Variants in NAP1L5 observed in about 807,000 individuals in gnomAD.
The protein encoded by NAP1L5 is nucleosome assembly protein 1-like 5.
For synonymous variants in NAP1L5, 125 were observed against 103.6 expected (o/e 1.21, Z -1.25); for missense variants, 249 against 246.4 (o/e 1.01, Z -0.07).
Position 88,697,132 on chromosome 4 carries a change from C to A in NAP1L5, c.*74G>T. ...GTCAAAAACCTGAGCCTTTTTAAGT[C>A]CATCGATATTCTGGGAAAAACAAAA... On this transcript the variant is annotated 3_prime_UTR_variant, in exon 1 of 1. Transcript: ENST00000323061. The A allele has an allele frequency of 7.2e-7, 1 of 1,392,514 alleles. No individual in the cohort carries two copies. The highest frequency in any genetic ancestry group is 1.9e-4 in the Middle Eastern group (1 of 5,302). 86.3% of individuals were successfully genotyped at this position (1,392,514 alleles called of 1,614,324 possible).
chr4:88,697,349 C>G lies in NAP1L5; in HGVS notation c.406G>C (p.Gly136Arg), dbSNP rs374142688. 3 of 1,613,906 alleles carry G rather than the reference C, an allele frequency of 1.9e-6. No homozygotes were observed. Among genetic ancestry groups the G allele is most frequent in the Non-Finnish European group, 2.5e-6 (3 of 1,180,012 alleles). ...TACTCCTCTTCCTCCTCCTCCTCCC[C>G]CTCCAAGGTCCATGCACACCCCTCC... ...EMEGCAWTLE[G>R]EEEEEEEYED... Residue 136 changes from glycine to arginine, a missense_variant, in exon 1 of 1, where the codon GGG becomes CGG. Gly to Arg is a moderately radical substitution (Grantham distance 125). Transcript: ENST00000323061.
In NAP1L5 at chr4:88,696,887, G is replaced by C. The variant is rs973893306; in HGVS notation, c.*319C>G. On this transcript the variant is annotated 3_prime_UTR_variant, in exon 1 of 1. Transcript: ENST00000323061. ...TGTGATGAATGGGTTTCAAAGTGAC[G>C]TTCTTTACTTCGCATCTGCTAACAC... 1 of 278,904 alleles carries C rather than the reference G, an allele frequency of 3.6e-6. No individual in the cohort carries two copies. Among genetic ancestry groups the C allele is most frequent in the Non-Finnish European group, 6.6e-6 (1 of 152,130 alleles). 17.3% of individuals were successfully genotyped at this position (278,904 alleles called of 1,614,324 possible). A position where few individuals can be genotyped will look rare whatever the true frequency, so the allele number is the denominator to read the frequency against.
rs746085875 is a variant in NAP1L5, at chr4:88,697,175, T to G, written c.*31A>C. 6.8e-6 allele frequency: 10 copies of G among 1,466,054 alleles called. No homozygotes were observed. The highest frequency in any genetic ancestry group is 1.8e-4 in the Middle Eastern group (1 of 5,462). 90.8% of individuals were successfully genotyped at this position (1,466,054 alleles called of 1,614,324 possible). ...AAACAAAACCAGGCTTTTTTCTTCG[T>G]GGGCTTTCTCTTCATCCATCTCTGC... On this transcript the variant is annotated 3_prime_UTR_variant, in exon 1 of 1. Coordinates refer to ENST00000323061, the MANE Select transcript of NAP1L5 (RefSeq NM_153757.4).
chr4:88,696,920 A>C lies in NAP1L5; in HGVS notation c.*286T>G. The C allele has an allele frequency of 2.9e-6, 1 of 350,348 alleles. No individual in the cohort carries two copies. The highest frequency in any genetic ancestry group is 5.1e-6 in the Non-Finnish European group (1 of 197,680). The allele number at this position is 350,348 out of a possible 1,614,324, so 21.7% of individuals were successfully genotyped here. On this transcript the variant is annotated 3_prime_UTR_variant, in exon 1 of 1. Coordinates refer to ENST00000323061, the MANE Select transcript of NAP1L5 (RefSeq NM_153757.4). The stretch of plus-strand genomic sequence containing the variant: ...CTTCGCATCTGCTAACACCCTTTGT[A>C]AACCTCAATCCTCAGAGAAGAGACC...
In NAP1L5 at chr4:88,696,999, T is replaced by C. The variant is rs1397949732; in HGVS notation, c.*207A>G. Reference sequence around the variant, plus strand: ...GTTTTCTTTAACACCTTTTGATATATTTATTATGTTCAAAATGAAAGTCAA... The same window carrying C: ...GTTTTCTTTAACACCTTTTGATATACTTATTATGTTCAAAATGAAAGTCAA... On this transcript the variant is annotated 3_prime_UTR_variant, in exon 1 of 1. Transcript: ENST00000323061. The C allele has an allele frequency of 4.2e-6, 2 of 472,284 alleles. No homozygotes were observed. The highest frequency in any genetic ancestry group is 7.8e-5 in the Admixed American group (2 of 25,570). 29.3% of individuals were successfully genotyped at this position (472,284 alleles called of 1,614,324 possible).
chr4:88,697,040 G>T lies in NAP1L5; in HGVS notation c.*166C>A, dbSNP rs1734668797. ...TGAAAGTCAAATTTGAATCGAGCTG[G>T]CCAGGATCTAATTGCTTTAATTTAA... On this transcript the variant is annotated 3_prime_UTR_variant, in exon 1 of 1. Coordinates refer to ENST00000323061, the MANE Select transcript of NAP1L5 (RefSeq NM_153757.4). The T allele has an allele frequency of 6.6e-6, 4 of 605,534 alleles. No homozygotes were observed. Among genetic ancestry groups the T allele is most frequent in the South Asian group, 4.1e-5 (1 of 24,248 alleles). The allele number at this position is 605,534 out of a possible 1,614,324, so 37.5% of individuals were successfully genotyped here.
chr4:88,697,144 T>C lies in NAP1L5; in HGVS notation c.*62A>G. 1.4e-6 allele frequency: 2 copies of C among 1,441,616 alleles called. No individual in the cohort carries two copies. Among genetic ancestry groups the C allele is most frequent in the Non-Finnish European group, 9.2e-7 (1 of 1,088,096 alleles). 89.3% of individuals were successfully genotyped at this position (1,441,616 alleles called of 1,614,324 possible). A position where few individuals can be genotyped will look rare whatever the true frequency, so the allele number is the denominator to read the frequency against. On this transcript the variant is annotated 3_prime_UTR_variant, in exon 1 of 1. Coordinates refer to ENST00000323061, the MANE Select transcript of NAP1L5 (RefSeq NM_153757.4). Reference sequence around the variant, plus strand: ...AGCCTTTTTAAGTCCATCGATATTCTGGGAAAAACAAAACCAGGCTTTTTT... The same window carrying C: ...AGCCTTTTTAAGTCCATCGATATTCCGGGAAAAACAAAACCAGGCTTTTTT...
chr4:88,696,566 A>G lies in NAP1L5; in HGVS notation c.*640T>C, dbSNP rs1168089231. The G allele has an allele frequency of 6.6e-6, 1 of 152,622 alleles. No homozygotes were observed. Among genetic ancestry groups the G allele is most frequent in the African/African-American group, 2.4e-5 (1 of 41,450 alleles). 9.5% of individuals were successfully genotyped at this position (152,622 alleles called of 1,614,324 possible). On this transcript the variant is annotated 3_prime_UTR_variant, in exon 1 of 1. Transcript: ENST00000323061. The stretch of plus-strand genomic sequence containing the variant: ...GTTTTACACCCTCCTTCTTGGAACC[A>G]TGTTGTTTCTCTAAATTCAAATACT...
In NAP1L5 at chr4:88,697,437, T is replaced by A; in HGVS notation, c.318A>T (p.Glu106Asp). 2 of 1,614,162 alleles carry A rather than the reference T, an allele frequency of 1.2e-6. No individual in the cohort carries two copies. The highest frequency in any genetic ancestry group is 2.2e-5 in the South Asian group (2 of 91,082). Residue 106 changes from glutamate to aspartate, a missense_variant, in exon 1 of 1, where the codon GAA (glutamate) becomes GAT (aspartate). Coordinates refer to ENST00000323061, the MANE Select transcript of NAP1L5 (RefSeq NM_153757.4). The stretch of plus-strand genomic sequence containing the variant: ...GCTTATAGATGTCATTATACTTTTT[T>A]TCCAGAGCCTGAAATTCCTTATCAA... ...AKFDKEFQALEKKYNDIYKPL... is the reference protein window; with the variant it reads ...AKFDKEFQALDKKYNDIYKPL...
In NAP1L5 at chr4:88,697,822, G is replaced by A; in HGVS notation, c.-68C>T. The A allele has an allele frequency of 4.0e-6, 6 of 1,506,710 alleles. No individual in the cohort carries two copies. Among genetic ancestry groups the A allele is most frequent in the Non-Finnish European group, 5.3e-6 (6 of 1,128,462 alleles). The allele number at this position is 1,506,710 out of a possible 1,614,324, so 93.3% of individuals were successfully genotyped here. A position where few individuals can be genotyped will look rare whatever the true frequency, so the allele number is the denominator to read the frequency against. ...GGCCCTGCACCCGAGCTGGTCCAGA[G>A]AGATCTTGCGGATGCGGCAAGTGGC... On this transcript the variant is annotated 5_prime_UTR_variant, in exon 1 of 1. Coordinates refer to ENST00000323061, the MANE Select transcript of NAP1L5 (RefSeq NM_153757.4).
In NAP1L5 at chr4:88,697,631, C is replaced by CA; in HGVS notation, c.123dup (p.Gly42TrpfsTer2). 1 of 1,613,850 alleles carries CA rather than the reference C, an allele frequency of 6.2e-7. No homozygotes were observed. On this transcript the variant is annotated frameshift_variant, in exon 1 of 1. Coordinates refer to ENST00000323061, the MANE Select transcript of NAP1L5 (RefSeq NM_153757.4). LOFTEE classifies it low-confidence loss of function (END_TRUNC). ...TGACCAGCCGCGCTGTCAGGGTCAC[C>CA]AGCCGCGCTGTCACAGTCTCCACCC...
Position 88,697,127 on chromosome 4 carries a change from T to C in NAP1L5, c.*79A>G. On this transcript the variant is annotated 3_prime_UTR_variant, in exon 1 of 1. Transcript: ENST00000323061. ...TTTTGGTCAAAAACCTGAGCCTTTT[T>C]AAGTCCATCGATATTCTGGGAAAAA... The C allele has an allele frequency of 7.2e-7, 1 of 1,379,660 alleles. No individual in the cohort carries two copies. Among genetic ancestry groups the C allele is most frequent in the Non-Finnish European group, 9.7e-7 (1 of 1,033,060 alleles). The allele number at this position is 1,379,660 out of a possible 1,614,324, so 85.5% of individuals were successfully genotyped here.
chr4:88,697,435 T>C lies in NAP1L5; in HGVS notation c.320A>G (p.Lys107Arg), dbSNP rs1734734409. The stretch of plus-strand genomic sequence containing the variant: ...GGGCTTATAGATGTCATTATACTTT[T>C]TTTCCAGAGCCTGAAATTCCTTATC... The part of the protein sequence containing the change: ...KFDKEFQALE[K>R]KYNDIYKPLL... Residue 107 changes from lysine to arginine, a missense_variant, in exon 1 of 1, where the codon AAA becomes AGA. Lys to Arg is a conservative substitution (Grantham distance 26, BLOSUM62 2). Transcript: ENST00000323061. 6.2e-7 allele frequency: 1 copy of C among 1,614,162 alleles called. No individual in the cohort carries two copies. Among genetic ancestry groups the C allele is most frequent in the Non-Finnish European group, 8.5e-7 (1 of 1,180,038 alleles).
Position 88,696,328 on chromosome 4 carries a change from G to T in NAP1L5, c.*878C>A, listed in dbSNP as rs1453606521. On this transcript the variant is annotated 3_prime_UTR_variant, in exon 1 of 1. Transcript: ENST00000323061. ...ACATGACAGAAAGACGTCACAAGGC[G>T]CAAAGTACATAACGCTGGATACACA... The T allele has an allele frequency of 6.6e-6, 1 of 152,572 alleles. No homozygotes were observed. Among genetic ancestry groups the T allele is most frequent in the Non-Finnish European group, 1.5e-5 (1 of 68,042 alleles). 9.5% of individuals were successfully genotyped at this position (152,572 alleles called of 1,614,324 possible).
In NAP1L5 at chr4:88,697,576, T is replaced by C. The variant is rs1486104345; in HGVS notation, c.179A>G (p.Glu60Gly). The change falls in exon 1 of 1, where the codon GAG becomes GGG. Residue 60 changes from glutamate to glycine, a missense_variant. Transcript: ENST00000323061. Reference sequence around the variant, plus strand: ...GTCATTTTTCGGCTTTGGGGCATTCTCTGCAGGGGTCTGGGGCTCCTCAGC... The same window carrying C: ...GTCATTTTTCGGCTTTGGGGCATTCCCTGCAGGGGTCTGGGGCTCCTCAGC... ...QMAEEPQTPA[E>G]NAPKPKNDFI... The C allele has an allele frequency of 6.2e-7, 1 of 1,614,084 alleles. No individual in the cohort carries two copies. The highest frequency in any genetic ancestry group is 8.5e-7 in the Non-Finnish European group (1 of 1,180,022).
In NAP1L5 at chr4:88,697,166, T is replaced by C; in HGVS notation, c.*40A>G. ...TTCTGGGAAAAACAAAACCAGGCTT[T>C]TTTCTTCGTGGGCTTTCTCTTCATC... On this transcript the variant is annotated 3_prime_UTR_variant, in exon 1 of 1. Coordinates refer to ENST00000323061, the MANE Select transcript of NAP1L5 (RefSeq NM_153757.4). The C allele has an allele frequency of 6.8e-7, 1 of 1,461,108 alleles. No homozygotes were observed. 90.5% of individuals were successfully genotyped at this position (1,461,108 alleles called of 1,614,324 possible).
Position 88,696,851 on chromosome 4 carries a change from AGC to A in NAP1L5, c.*353_*354del, listed in dbSNP as rs1305056347. On this transcript the variant is annotated 3_prime_UTR_variant, in exon 1 of 1. Transcript: ENST00000323061. ...GTCATGGCTTGGGTGTTCCATGTGT[AGC>A]GTATGCTGTGTGATGAATGGGTTTC... The A allele has an allele frequency of 4.7e-6, 1 of 213,610 alleles. No homozygotes were observed. The highest frequency in any genetic ancestry group is 2.3e-5 in the African/African-American group (1 of 43,832). The allele number at this position is 213,610 out of a possible 1,614,324, so 13.2% of individuals were successfully genotyped here.
At position 88,697,743 on chromosome 4, in the gene NAP1L5, C is replaced by G. The variant is rs772088874; in HGVS notation, c.12G>C (p.Ser4=). The G allele has an allele frequency of 1.2e-6, 2 of 1,608,230 alleles. No homozygotes were observed. The highest frequency in any genetic ancestry group is 1.7e-6 in the Non-Finnish European group (2 of 1,177,760). The change falls in exon 1 of 1, where the codon TCG becomes TCC. Residue 4 remains serine, a synonymous_variant. Transcript: ENST00000323061. The part of the protein sequence containing the change: MAD[S]ENQGPAEPSQ... ...TAGGCTCCGCAGGCCCCTGGTTTTC[C>G]GAGTCGGCCATGTTAGAGGAGAAGC...
In NAP1L5 at chr4:88,697,348, C is replaced by T. The variant is rs746768709; in HGVS notation, c.407G>A (p.Gly136Glu). 1.5e-5 allele frequency: 24 copies of T among 1,613,796 alleles called. No individual in the cohort carries two copies. The highest frequency in any genetic ancestry group is 1.8e-5 in the Non-Finnish European group (21 of 1,179,944). The change falls in exon 1 of 1, where the codon GGG becomes GAG. Residue 136 changes from glycine to glutamate, a missense_variant. By Grantham distance (98) the Gly-to-Glu change is moderately conservative. Coordinates refer to ENST00000323061, the MANE Select transcript of NAP1L5 (RefSeq NM_153757.4). ...GTACTCCTCTTCCTCCTCCTCCTCC[C>T]CCTCCAAGGTCCATGCACACCCCTC... ...EMEGCAWTLE[G>E]EEEEEEEYED...
Sources: allele counts gnomAD v4.1 joint callset, GRCh38; gene constraint gnomAD v4.1.1; transcripts MANE v1.5; gene names NCBI Gene and HGNC (gene_info 2026-07-23, HGNC 2026-07-21).